UBR3: variants seen among roughly 807,000 people sequenced by gnomAD.
UBR3 encodes the protein E3 ubiquitin-protein ligase UBR3.
Under a neutral mutation model 243.2 loss-of-function variants are expected in UBR3, and 85 were observed. That is an observed-to-expected ratio of 0.35 (90% CI 0.29 to 0.42). UBR3 has a LOEUF of 0.42. Among genes scored for constraint, UBR3 ranks in the 10% least tolerant of loss-of-function variants. The probability of loss-of-function intolerance (pLI) is 1.00; values close to 1 mark genes in which losing one functional copy is unlikely to be tolerated. For synonymous variants in UBR3, 748 were observed against 799.8 expected (o/e 0.94, Z 1.09); for missense variants, 1,686 against 2,300.8 (o/e 0.73, Z 5.47).
intron 24 of UBR3, among the ~76,000 whole-genome samples, chr2:169,980,202 C>T (rs777940509): frequency 2.6e-5 from 4 of 152,088 alleles, no homozygotes; most frequent in South Asian, 2.1e-4. Flanking sequence ...CTGGATTTCT[C>T]GCCGTTGGAG....
At chr2:169,979,539 A>T (rs1322608111) in intron 24 of UBR3, among the ~76,000 whole-genome samples, 1 of 152,234 alleles carries the variant, frequency 6.6e-6, no homozygotes. Context: ...AAACTGTGGC[A>T]CATACGTATA....
chr2:170,039,580 T>A lies in UBR3; in HGVS notation c.4557-1302T>A, dbSNP rs561469929. Among the ~76,000 whole-genome samples, 75 of 152,272 alleles carry A rather than the reference T, an allele frequency of 4.9e-4. 2 individuals are homozygous for A. The South Asian group carries it at 0.016, about 32-fold the overall frequency. On this transcript the variant is annotated intron_variant, in intron 31 of 38. Coordinates refer to ENST00000272793, the MANE Select transcript of UBR3 (RefSeq NM_172070.4). The stretch of plus-strand genomic sequence containing the variant: ...AAGTTTCTCAGCAGCAGGGGTTGAT[T>A]TACTCAGCAGTGTGTTTAGTGCCTG...
At chr2:169,964,885 C>A in intron 24 of UBR3, 1 of 456,906 alleles carries the variant, frequency 2.2e-6, no homozygotes, top group Non-Finnish European at 4.4e-6. Context: ...TGCTAGCAAA[C>A]AGAGGCAGTT....
chr2:170,061,489 A>G (rs1359570141), intron 35 of UBR3, 46 bp downstream of exon 35: 6 of 1,579,980 alleles, frequency 3.8e-6, no homozygotes, highest in Non-Finnish European at 5.2e-6. Context: ...TTTTTTTCAG[A>G]TGGAGTCTCT....
chr2:170,033,577 AC>A lies in UBR3; in HGVS notation c.4556+4132del, dbSNP rs1250645725. Among the ~76,000 whole-genome samples, 7 of 39,472 alleles carry A rather than the reference AC, an allele frequency of 1.8e-4. 1 individual carries two copies. The highest frequency in any genetic ancestry group is 3.1e-4 in the Admixed American group (1 of 3,192). The allele number at this position is 39,472 out of a possible 152,430, so 25.9% of individuals were successfully genotyped here. ...CGGAAAATTTGATTGGTTTTTCCAC[AC>A]CCACCCCCCCCCCCCCCAATATTTG... On this transcript the variant is annotated intron_variant, in intron 31 of 38. Transcript: ENST00000272793.
chr2:169,863,406 A>T (rs960076305), intron 1 of UBR3, among the ~76,000 whole-genome samples: 3 of 152,198 alleles, frequency 2.0e-5, no homozygotes, highest in Non-Finnish European at 2.9e-5. Context: ...ATGATGTCAA[A>T]CAAAATTTAG....
At chr2:170,051,606 A>T (rs901356102) in intron 32 of UBR3, among the ~76,000 whole-genome samples, 5 of 152,176 alleles carry the variant, frequency 3.3e-5, no homozygotes, top group African/African-American at 7.2e-5. Flanking sequence ...TTGGCCCCCA[A>T]AGTGCTGGGA....
chr2:170,000,091 A>G (rs776382670), intron 26 of UBR3, among the ~76,000 whole-genome samples: 4 of 151,244 alleles, frequency 2.6e-5, no homozygotes, highest in Admixed American at 6.6e-5. Context: ...GCGCCATCGC[A>G]CTCCAGCCTG....
At chr2:170,022,956 AGGGACATACAGAGGAACCAG>A (rs1303369018) in intron 30 of UBR3, among the ~76,000 whole-genome samples, 18 of 152,208 alleles carry the variant, frequency 1.2e-4, no homozygotes, top group African/African-American at 3.4e-4. Flanking sequence ...CTGATTTCTC[AGGGACATACAGAGGAACCAG>A]TGGAAGCTGG....
chr2:170,053,697 C>T (rs914925142), intron 32 of UBR3, among the ~76,000 whole-genome samples: 10 of 152,050 alleles, frequency 6.6e-5, no homozygotes, highest in South Asian at 2.1e-4. Flanking sequence ...TTGAAACTGA[C>T]GAGAAATATT....
chr2:169,875,108 A>T (rs895920152), intron 2 of UBR3, among the ~76,000 whole-genome samples: 1 of 151,906 alleles, frequency 6.6e-6, no homozygotes, highest in Admixed American at 6.6e-5. Flanking sequence ...TTCAGCTAAC[A>T]TGTATCTGTA....
chr2:169,827,464 G>T lies in UBR3; in HGVS notation c.-44G>T. 8.2e-7 allele frequency: 1 copy of T among 1,219,316 alleles called. No homozygotes were observed. The highest frequency in any genetic ancestry group is 1.0e-6 in the Non-Finnish European group (1 of 979,942). The allele number at this position is 1,219,316 out of a possible 1,614,324, so 75.5% of individuals were successfully genotyped here. Reference sequence around the variant, plus strand: ...GCAGTCTATTCCCTCACTCTCCCTGGAGGAGCCGCTGGCCCTGGACTCTCC... The same window carrying T: ...GCAGTCTATTCCCTCACTCTCCCTGTAGGAGCCGCTGGCCCTGGACTCTCC... On this transcript the variant is annotated 5_prime_UTR_variant, in exon 1 of 39. Coordinates refer to ENST00000272793, the MANE Select transcript of UBR3 (RefSeq NM_172070.4).
intron 20 of UBR3, among the ~76,000 whole-genome samples, chr2:169,945,089 G>A (rs1234907303): frequency 6.6e-6 from 1 of 151,684 alleles, no homozygotes; most frequent in Admixed American, 6.6e-5. Context: ...ATTAACTCAT[G>A]CAATCCTTAC....
At chr2:170,059,005 A>G (rs894114327) in intron 33 of UBR3, among the ~76,000 whole-genome samples, 2 of 152,088 alleles carry the variant, frequency 1.3e-5, no homozygotes, top group African/African-American at 4.8e-5. Context: ...AATTTAACCC[A>G]CATACTTTTG....
chr2:170,061,010 AAATT>A, intron 33 of UBR3, 65 bp from the exon 34 acceptor site: 8 of 1,090,440 alleles, frequency 7.3e-6, no homozygotes, highest in Non-Finnish European at 1.0e-5. Flanking sequence ...TACTCATTAA[AAATT>A]ATTTCCAATG....
intron 8 of UBR3, 52 bp downstream of exon 8, chr2:169,896,787 A>G (rs928646727): frequency 2.0e-5 from 26 of 1,280,612 alleles, no homozygotes; most frequent in Middle Eastern, 2.5e-4. Flanking sequence ...TTATTATTCT[A>G]GTATTATTAG....
chr2:169,987,365 C>A (rs2089059528), intron 25 of UBR3, among the ~76,000 whole-genome samples: 1 of 146,838 alleles, frequency 6.8e-6, no homozygotes, highest in South Asian at 2.2e-4. Context: ...TGCACTCCAG[C>A]CTGGGTGACA....
At chr2:169,994,929 A>G (rs2089424917) in intron 26 of UBR3, among the ~76,000 whole-genome samples, 1 of 152,082 alleles carries the variant, frequency 6.6e-6, no homozygotes. Flanking sequence ...ATGAGTCAGT[A>G]TGGGTGTGGA....
chr2:169,914,446 A>C (rs1052359263), intron 11 of UBR3, among the ~76,000 whole-genome samples: 5 of 152,196 alleles, frequency 3.3e-5, no homozygotes, highest in African/African-American at 1.2e-4. Flanking sequence ...AGGGTGAAAT[A>C]GTTTCAGTTG....
Sources: allele counts gnomAD v4.1 joint callset (sites outside exome capture counted in the v4.1 genomes callset), GRCh38; gene constraint gnomAD v4.1.1; transcripts MANE v1.5; gene names NCBI Gene and HGNC (gene_info 2026-07-23, HGNC 2026-07-21).